The following MAP6 variants were observed in gnomAD, a reference collection of about 807,000 sequenced individuals.
The protein encoded by MAP6 is microtubule-associated protein 6.
Under a neutral mutation model 42.4 loss-of-function variants are expected in MAP6, and 26 were observed. The observed-to-expected ratio is 0.61, with a 90% CI of 0.45 to 0.85. The LOEUF (loss-of-function observed/expected upper bound fraction) is 0.85, where lower values mean the gene tolerates loss of function less well. Among genes scored for constraint, MAP6 ranks in the 40% least tolerant of loss-of-function variants. The probability of loss-of-function intolerance (pLI) is 0.00; values close to 1 mark genes in which losing one functional copy is unlikely to be tolerated. For synonymous variants in MAP6, 418 were observed against 443.8 expected (o/e 0.94, Z 0.73); for missense variants, 966 against 1,099.0 (o/e 0.88, Z 1.71).
chr11:75,658,849 G>T (rs1348791767), intron 1 of MAP6, among the ~76,000 whole-genome samples: 5 of 152,086 alleles, frequency 3.3e-5, no homozygotes, highest in East Asian at 1.9e-4. Context: ...CAAGACTCAG[G>T]CTACTAGTCA....
chr11:75,664,761 T>C (rs540410650), intron 1 of MAP6, among the ~76,000 whole-genome samples: 6 of 152,380 alleles, frequency 3.9e-5, no homozygotes, highest in South Asian at 2.1e-4. Flanking sequence ...ATCAATGTTC[T>C]AGATAAGCTT....
chr11:75,587,891 G>T lies in MAP6; in HGVS notation c.1610C>A (p.Pro537Gln), dbSNP rs1215118543. Residue 537 changes from proline to glutamine, a missense_variant, in exon 4 of 4, where the codon CCA becomes CAA. Physicochemically the swap from Pro to Gln is moderately conservative, Grantham distance 76. This residue lies in a region of MAP6 where 943 missense variants were observed against 1,049.9 expected (regional missense o/e 0.90). Transcript: ENST00000304771. ...TGGAACCATAGGACTTTGATTCTTTGGAGGAACTGGGACCGAGGGACCTTG... is the reference window on the plus strand; with the variant it reads ...TGGAACCATAGGACTTTGATTCTTTTGAGGAACTGGGACCGAGGGACCTTG... ...KDQGPSVPVPPKNQSPMVPAK... is the reference protein window; with the variant it reads ...KDQGPSVPVPQKNQSPMVPAK... 6.2e-7 allele frequency: 1 copy of T among 1,614,096 alleles called. No homozygotes were observed. The highest frequency in any genetic ancestry group is 1.1e-5 in the South Asian group (1 of 91,068).
intron 1 of MAP6, among the ~76,000 whole-genome samples, chr11:75,656,741 C>G (rs905042311): frequency 6.6e-6 from 1 of 152,170 alleles, no homozygotes; most frequent in Non-Finnish European, 1.5e-5. Context: ...TCTGTTCTAC[C>G]CTTTCTCCTG....
intron 3 of MAP6, chr11:75,603,692 C>T (rs1449419514): frequency 9.1e-6 from 9 of 985,136 alleles, no homozygotes; most frequent in East Asian, 1.1e-4. Flanking sequence ...GTCATGTGCA[C>T]CCTCTGGTTG....
chr11:75,659,484 C>T (rs1388856740), intron 1 of MAP6, among the ~76,000 whole-genome samples: 2 of 152,194 alleles, frequency 1.3e-5, no homozygotes, highest in Non-Finnish European at 1.5e-5. Context: ...GAATCATAAG[C>T]TCTAACAGGG....
At chr11:75,630,210 C>G (rs1943263933) in intron 1 of MAP6, among the ~76,000 whole-genome samples, 1 of 152,222 alleles carries the variant, frequency 6.6e-6, no homozygotes, top group Non-Finnish European at 1.5e-5. Flanking sequence ...TGGGCTTAAA[C>G]TCCTCCCATC....
At chr11:75,656,703 A>T (rs1187168053) in intron 1 of MAP6, among the ~76,000 whole-genome samples, 3 of 152,078 alleles carry the variant, frequency 2.0e-5, no homozygotes, top group African/African-American at 7.2e-5. Context: ...ATTCTCACCA[A>T]CAGGCTGATG....
At chr11:75,606,738 C>A (rs1406289564) in intron 2 of MAP6, among the ~76,000 whole-genome samples, 3 of 152,184 alleles carry the variant, frequency 2.0e-5, no homozygotes, top group African/African-American at 7.2e-5. Context: ...TCTGCTCCTC[C>A]TCTCTGCCTG....
chr11:75,648,833 G>C (rs1943604029), intron 1 of MAP6, among the ~76,000 whole-genome samples: 1 of 152,124 alleles, frequency 6.6e-6, no homozygotes, highest in African/African-American at 2.4e-5. Flanking sequence ...CACATGGAAA[G>C]TTTCTTAATT....
chr11:75,662,207 G>T (rs1439155179), intron 1 of MAP6, among the ~76,000 whole-genome samples: 1 of 152,138 alleles, frequency 6.6e-6, no homozygotes, highest in Non-Finnish European at 1.5e-5. Flanking sequence ...CAAAGCTTTA[G>T]AAAACAGTGT....
chr11:75,600,473 A>G (rs2135580001), intron 3 of MAP6, among the ~76,000 whole-genome samples: 1 of 152,364 alleles, frequency 6.6e-6, no homozygotes, highest in East Asian at 1.9e-4. Flanking sequence ...TATATGCATC[A>G]AATGGCAGTG....
At chr11:75,599,595 GTT>G (rs1317209474) in intron 3 of MAP6, among the ~76,000 whole-genome samples, 1 of 152,226 alleles carries the variant, frequency 6.6e-6, no homozygotes, top group African/African-American at 2.4e-5. Context: ...TTTTCCCTCA[GTT>G]TGTATCCGGG....
intron 1 of MAP6, among the ~76,000 whole-genome samples, chr11:75,638,801 T>C (rs144497176): frequency 6.6e-6 from 1 of 152,300 alleles, no homozygotes; most frequent in East Asian, 1.9e-4. Context: ...ATCCCACTAC[T>C]GGGTATCTAC....
intron 1 of MAP6, among the ~76,000 whole-genome samples, chr11:75,622,386 A>C (rs1196870955): frequency 1.3e-5 from 2 of 152,166 alleles, no homozygotes; most frequent in Non-Finnish European, 2.9e-5. Context: ...CTGAGATTAC[A>C]TGTATGAGCC....
chr11:75,659,350 T>C (rs2135693341), intron 1 of MAP6, among the ~76,000 whole-genome samples: 1 of 152,198 alleles, frequency 6.6e-6, no homozygotes, highest in East Asian at 1.9e-4. Context: ...GGCGTGGTGG[T>C]GCGTGCCTGT....
At chr11:75,634,528 C>A (rs914997900) in intron 1 of MAP6, among the ~76,000 whole-genome samples, 7 of 152,192 alleles carry the variant, frequency 4.6e-5, no homozygotes, top group African/African-American at 1.7e-4. Flanking sequence ...CTCAGCCTCC[C>A]AAAGTGCTGA....
intron 2 of MAP6, chr11:75,607,761 T>C (rs1380190238): frequency 1.4e-6 from 1 of 730,060 alleles, no homozygotes; most frequent in Non-Finnish European, 1.7e-6. Flanking sequence ...CCAGCCCTTC[T>C]GGGGCCCAAG....
chr11:75,662,746 TG>T (rs1459743280), intron 1 of MAP6, among the ~76,000 whole-genome samples: 1 of 152,146 alleles, frequency 6.6e-6, no homozygotes, highest in Non-Finnish European at 1.5e-5. Context: ...TTTAAAAACT[TG>T]GTTGCCCAGG....
intron 3 of MAP6, chr11:75,602,902 T>C: frequency 1.0e-6 from 1 of 983,500 alleles, no homozygotes; most frequent in Middle Eastern, 5.2e-4. Context: ...GAAAAACTGT[T>C]TGTTTGTTTG....
Sources: allele counts gnomAD v4.1 joint callset (sites outside exome capture counted in the v4.1 genomes callset), GRCh38; gene constraint gnomAD v4.1.1; regional missense constraint gnomAD v4.1.1; transcripts MANE v1.5; gene names NCBI Gene and HGNC (gene_info 2026-07-23, HGNC 2026-07-21).